The following CPEB3 variants were observed in gnomAD, a reference collection of about 807,000 sequenced individuals.
CPEB3 encodes cytoplasmic polyadenylation element binding protein 3.
CPEB3 carries 20 observed loss-of-function variants against 67.2 expected under a neutral mutation model. The observed-to-expected ratio is 0.30, with a 90% confidence interval of 0.21 to 0.43. The LOEUF (loss-of-function observed/expected upper bound fraction) is 0.43, where lower values mean the gene tolerates loss of function less well. CPEB3 is among the 20% of genes least tolerant of loss of function. The pLI is 1.00. For missense variants in CPEB3, 746 were observed against 968.6 expected (o/e 0.77, Z 3.05); for synonymous variants, 376 against 393.1 (o/e 0.96, Z 0.51).
intron 4 of CPEB3, among the ~76,000 whole-genome samples, chr10:92,167,468 T>G (rs1240804264): frequency 6.6e-6 from 1 of 152,208 alleles, no homozygotes; most frequent in Non-Finnish European, 1.5e-5. Context: ...CTAATTTCAA[T>G]GTTGTGTCTC....
intron 1 of CPEB3, among the ~76,000 whole-genome samples, chr10:92,280,140 C>T (rs1842198041): frequency 6.6e-6 from 1 of 151,526 alleles, no homozygotes; most frequent in Non-Finnish European, 1.5e-5. Context: ...GTCAAGAGTT[C>T]GAGACAAGCC....
In CPEB3 at chr10:92,239,019, G is replaced by A. The variant is rs186166386; in HGVS notation, c.1005+327C>T. Among the ~76,000 whole-genome samples, 616 of 152,130 alleles carry A rather than the reference G, an allele frequency of 4.0e-3. 6 individuals are homozygous for A. The highest frequency in any genetic ancestry group is 0.017 in the Middle Eastern group (5 of 294). On this transcript the variant is annotated intron_variant, in intron 2 of 9. Coordinates refer to ENST00000265997, the MANE Select transcript of CPEB3 (RefSeq NM_014912.5). The surrounding 1 kb of genome is among the most constrained non-coding windows in gnomAD (Gnocchi z 6.0). ...AGCCTACTCATCCTGGGACTATGCC[G>A]GCACCTTGCCACACACTTGCAGCTT...
At chr10:92,216,879 C>G in intron 2 of CPEB3, 1 of 1,215,614 alleles carries the variant, frequency 8.2e-7, no homozygotes, top group East Asian at 2.4e-5. Context: ...CCCACCCACA[C>G]TGACGGCATC....
At chr10:92,190,652 C>T (rs150461127) in intron 3 of CPEB3, among the ~76,000 whole-genome samples, 1,586 of 119,172 alleles carry the variant, frequency 0.013, 37 homozygotes, top group African/African-American at 0.046. Context: ...GCAACAAGAG[C>T]GAAACTCCAT....
chr10:92,216,364 C>A (rs919270289), intron 2 of CPEB3: 2 of 1,610,454 alleles, frequency 1.2e-6, no homozygotes, highest in African/African-American at 2.7e-5. Flanking sequence ...CCGAAGGGCC[C>A]GAGGCTCAGG....
At chr10:92,227,477 T>C (rs2134513306) in intron 2 of CPEB3, among the ~76,000 whole-genome samples, 1 of 152,346 alleles carries the variant, frequency 6.6e-6, no homozygotes, top group South Asian at 2.1e-4. Context: ...GATCAGGGAA[T>C]TCCTTAATAG....
chr10:92,194,680 G>A (rs893702943), intron 2 of CPEB3, among the ~76,000 whole-genome samples: 4 of 152,052 alleles, frequency 2.6e-5, no homozygotes, highest in African/African-American at 9.7e-5. Context: ...CAAGCCTTCA[G>A]GAAACTATCA....
At chr10:92,132,642 A>G (rs1416691309) in intron 6 of CPEB3, among the ~76,000 whole-genome samples, 1 of 152,098 alleles carries the variant, frequency 6.6e-6, no homozygotes, top group Non-Finnish European at 1.5e-5. Context: ...TCCAGGACTT[A>G]AACTCGGCTC....
rs3824734 is a variant in CPEB3 at position 92,240,093 on chromosome 10, A to G, written c.258T>C (p.Pro86=). The change falls in exon 2 of 10, where the codon CCT becomes CCC. Residue 86 remains proline (P), a synonymous_variant. Transcript: ENST00000265997. Reference sequence around the variant, plus strand: ...CCTGAGGCGGCGGCGGCTGCTGAGGAGGCTGATGGAAACTCAAGCCTGGCA... The same window carrying G: ...CCTGAGGCGGCGGCGGCTGCTGAGGGGGCTGATGGAAACTCAAGCCTGGCA... ...PLLPGLSFHQ[P]PQQPPPPQEP... The G allele has an allele frequency of 0.6, 944,370 of 1,579,774 alleles. 288,354 individuals are homozygous for G. Among genetic ancestry groups the G allele is most frequent in the African/African-American group, 0.9 (67,152 of 74,292 alleles).
At chr10:92,150,397 G>A (rs879099651) in intron 4 of CPEB3, among the ~76,000 whole-genome samples, 1 of 151,884 alleles carries the variant, frequency 6.6e-6, no homozygotes, top group African/African-American at 2.4e-5. Flanking sequence ...TGGCCCCTCT[G>A]CTCTTATTAT....
At chr10:92,199,983 G>C (rs190830273) in intron 2 of CPEB3, among the ~76,000 whole-genome samples, 22 of 151,500 alleles carry the variant, frequency 1.5e-4, no homozygotes, top group Admixed American at 5.9e-4. Context: ...TCATTCAATG[G>C]TATATTTTAC....
chr10:92,228,757 A>G (rs922304348), intron 2 of CPEB3, among the ~76,000 whole-genome samples: 1 of 149,868 alleles, frequency 6.7e-6, no homozygotes. Flanking sequence ...TCTGTTGCCC[A>G]GGCTGGAGTG....
intron 1 of CPEB3, among the ~76,000 whole-genome samples, chr10:92,276,825 T>C (rs555200801): frequency 1.3e-4 from 20 of 152,348 alleles, no homozygotes; most frequent in Non-Finnish European, 1.9e-4. Context: ...AGGGTTCCAA[T>C]TTCTTCACAT....
At position 92,192,583 on chromosome 10, in the gene CPEB3, T is replaced by C. The variant is rs536374380; in HGVS notation, c.1059A>G (p.Leu353=). 19 of 1,613,612 alleles carry C rather than the reference T, an allele frequency of 1.2e-5. No individual in the cohort carries two copies. The highest frequency in any genetic ancestry group is 1.6e-5 in the Non-Finnish European group (19 of 1,179,716). ...CATGATCAGTCCTTATCATATCCAT[T>C]AAGGAGTTCTCCAACGAGTGCAAGT... The part of the protein sequence containing the change: ...TFNLHSLENS[L]MDMIRTDHEP... The change falls in exon 3 of 10, where the codon TTA becomes TTG. Residue 353 remains leucine (L), a synonymous_variant. Coordinates refer to ENST00000265997, the MANE Select transcript of CPEB3 (RefSeq NM_014912.5).
At chr10:92,234,878 T>A (rs994301498) in intron 2 of CPEB3, among the ~76,000 whole-genome samples, 1 of 151,930 alleles carries the variant, frequency 6.6e-6, no homozygotes, top group African/African-American at 2.4e-5. Context: ...TGAGCCGAGA[T>A]CACGCCACTG....
chr10:92,118,952 T>C, intron 6 of CPEB3: 1 of 1,345,574 alleles, frequency 7.4e-7, no homozygotes, highest in Non-Finnish European at 1.1e-6. Context: ...TGAGTCTTAT[T>C]TGGAGCTGGT....
At chr10:92,162,999 C>T (rs1847567529) in intron 4 of CPEB3, among the ~76,000 whole-genome samples, 1 of 152,150 alleles carries the variant, frequency 6.6e-6, no homozygotes, top group African/African-American at 2.4e-5. Flanking sequence ...ACTGATGAAC[C>T]TATTCTGACA....
At chr10:92,216,796 A>T (rs569023624) in intron 2 of CPEB3, 834 of 1,609,230 alleles carry the variant, frequency 5.2e-4, no homozygotes, top group Non-Finnish European at 6.7e-4. Flanking sequence ...CCCTATGAGG[A>T]GCTCCGGTAG....
At chr10:92,146,071 C>T (rs73316054) in intron 4 of CPEB3, among the ~76,000 whole-genome samples, 5,513 of 152,048 alleles carry the variant, frequency 0.036, 320 homozygotes, top group African/African-American at 0.13. Flanking sequence ...ACCCTTAACC[C>T]TACTAATCTA....
Sources: allele counts gnomAD v4.1 joint callset (sites outside exome capture counted in the v4.1 genomes callset), GRCh38; gene constraint gnomAD v4.1.1; non-coding constraint Gnocchi (gnomAD v3.1); transcripts MANE v1.5; gene names NCBI Gene and HGNC (gene_info 2026-07-23, HGNC 2026-07-21).